The following ANXA11 variants were observed in gnomAD, a reference collection of about 807,000 sequenced individuals.
ANXA11 encodes the protein 56 kDa autoantigen.
A neutral mutation model predicts 64.7 loss-of-function variants in ANXA11; 57 were observed. That is an observed-to-expected ratio of 0.88 (90% CI 0.71 to 1.10). The LOEUF is 1.10. Among genes scored for constraint, ANXA11 ranks in the 50% least tolerant of loss-of-function variants. The pLI, the probability that ANXA11 is intolerant of heterozygous loss-of-function variation, is 0.00. For missense variants in ANXA11, 675 were observed against 670.7 expected (o/e 1.01, Z -0.07); for synonymous variants, 260 against 265.2 (o/e 0.98, Z 0.19).
At chr10:80,168,885 C>A in intron 5 of ANXA11, 84 bp downstream of exon 5, 1 of 1,386,330 alleles carries the variant, frequency 7.2e-7, no homozygotes. Flanking sequence ...TGCGCCTTTC[C>A]CTGTCTCCCC....
At chr10:80,172,759 CT>C (rs1432510653) in intron 3 of ANXA11, 47 bp downstream of exon 3, 2 of 1,580,238 alleles carry the variant, frequency 1.3e-6, no homozygotes, top group African/African-American at 2.7e-5. Flanking sequence ...CTCCCAGCCA[CT>C]GTACAGAGGC....
At chr10:80,168,926 G>C in intron 5 of ANXA11, 43 bp downstream of exon 5, 1 of 1,465,458 alleles carries the variant, frequency 6.8e-7, no homozygotes, top group South Asian at 1.5e-5. Flanking sequence ...CCAGCCTTTG[G>C]GGCCCAGGCC....
chr10:80,177,418 G>T (rs902691088), intron 1 of ANXA11, among the ~76,000 whole-genome samples: 5 of 152,078 alleles, frequency 3.3e-5, no homozygotes, highest in African/African-American at 1.2e-4. Context: ...TTCAGGCCAC[G>T]GAGACCTTAT....
At chr10:80,200,665 C>T (rs146222716) in intron 1 of ANXA11, among the ~76,000 whole-genome samples, 1,632 of 152,296 alleles carry the variant, frequency 0.011, 9 homozygotes, top group Non-Finnish European at 0.018. Flanking sequence ...GTCAGCGTCC[C>T]GCAGAGGACC....
At chr10:80,198,527 G>T (rs1309283694) in intron 1 of ANXA11, among the ~76,000 whole-genome samples, 1 of 152,224 alleles carries the variant, frequency 6.6e-6, no homozygotes, top group Non-Finnish European at 1.5e-5. Flanking sequence ...ACGTGCTCAG[G>T]TCCCATCACA....
At chr10:80,204,666 A>G (rs34074920) in intron 1 of ANXA11, among the ~76,000 whole-genome samples, 12,587 of 152,094 alleles carry the variant, frequency 0.083, 557 homozygotes, top group Non-Finnish European at 0.099. Context: ...CCAACAGACC[A>G]TTTTACCTAA....
At position 80,164,069 on chromosome 10, in the gene ANXA11, G is replaced by A; in HGVS notation, c.933C>T (p.Asn311=). ...SRSNEHIREL[N]RAYKAEFKKT... ...CGGCCTCACCTGCTTTGTAGGCTCT[G>A]TTTAATTCTCGGATGTGCTCATTGC... Residue 311 remains asparagine, a synonymous_variant, in exon 9 of 16, where the codon AAC becomes AAT. Transcript: ENST00000422982. 4.3e-6 allele frequency: 7 copies of A among 1,614,122 alleles called. No individual in the cohort carries two copies. The highest frequency in any genetic ancestry group is 5.9e-6 in the Non-Finnish European group (7 of 1,179,980).
intron 1 of ANXA11, among the ~76,000 whole-genome samples, chr10:80,185,021 A>T (rs569002397): frequency 1.3e-5 from 2 of 152,224 alleles, no homozygotes; most frequent in African/African-American, 2.4e-5. Flanking sequence ...TTAAGTATCA[A>T]ATAGGATGTA....
At chr10:80,186,757 G>A (rs1236102253) in intron 1 of ANXA11, among the ~76,000 whole-genome samples, 1 of 152,212 alleles carries the variant, frequency 6.6e-6, no homozygotes, top group Non-Finnish European at 1.5e-5. Context: ...GGGGGCAAGT[G>A]AGGAGGAACT....
chr10:80,164,133 G>A lies in ANXA11; in HGVS notation c.869C>T (p.Thr290Ile). ...GATCTCAATCAGGCAGGCTTCATCA[G>A]TGCCAACCCCCTGCAGGGGCAGAGA... ...EIKEAIKGVG[T>I]DEACLIEILA... Residue 290 changes from threonine to isoleucine, a missense_variant, in exon 9 of 16, where the codon ACT (threonine) becomes ATT (isoleucine). Thr to Ile is a moderately conservative substitution (Grantham distance 89, BLOSUM62 -1). Coordinates refer to ENST00000422982, the MANE Select transcript of ANXA11 (RefSeq NM_145868.2). The A allele has an allele frequency of 6.2e-7, 1 of 1,613,922 alleles. No homozygotes were observed. The highest frequency in any genetic ancestry group is 8.5e-7 in the Non-Finnish European group (1 of 1,179,812).
chr10:80,159,148 T>C lies in ANXA11; in HGVS notation c.1228A>G (p.Ile410Val), dbSNP rs753071285. ...AGGTCCCCGGACATCTCCCGGCAGATGCTCTTCTCAATGTCCCGGCCTGTC... is the reference window on the plus strand; with the variant it reads ...AGGTCCCCGGACATCTCCCGGCAGACGCTCTTCTCAATGTCCCGGCCTGTC... Reference protein sequence around the residue: ...RMTGRDIEKSICREMSGDLEE... With the variant: ...RMTGRDIEKSVCREMSGDLEE... The change falls in exon 13 of 16, where the codon ATC (isoleucine) becomes GTC (valine). Residue 410 changes from isoleucine (I) to valine (V), a missense_variant. Coordinates refer to ENST00000422982, the MANE Select transcript of ANXA11 (RefSeq NM_145868.2). 1.7e-5 allele frequency: 27 copies of C among 1,614,168 alleles called. No homozygotes were observed. The highest frequency in any genetic ancestry group is 2.0e-5 in the Non-Finnish European group (24 of 1,180,018).
rs775955508 is a variant in ANXA11, at chr10:80,166,125, G to A, written c.817C>T (p.Pro273Ser). The change falls in exon 8 of 16, where the codon CCA becomes TCA. Residue 273 changes from proline (P) to serine (S), a missense_variant. By Grantham distance (74) the Pro-to-Ser change is moderately conservative (BLOSUM62 -1). Transcript: ENST00000422982. ...EKTILALMKT[P>S]VLFDIYEIKE... ...ATCTCATAAATGTCAAAGAGGACTG[G>A]GGTCTTCATCAGAGCCAAGATTGTC... 3 of 1,612,908 alleles carry A rather than the reference G, an allele frequency of 1.9e-6. No homozygotes were observed. Among genetic ancestry groups the A allele is most frequent in the East Asian group, 2.2e-5 (1 of 44,864 alleles).
At chr10:80,189,055 A>C (rs574723234) in intron 1 of ANXA11, among the ~76,000 whole-genome samples, 18 of 152,280 alleles carry the variant, frequency 1.2e-4, no homozygotes, top group Non-Finnish European at 1.8e-4. Context: ...GTACCTGTGA[A>C]TGCGTTACTT....
chr10:80,174,154 A>G (rs1013881836), intron 2 of ANXA11, among the ~76,000 whole-genome samples: 15 of 152,238 alleles, frequency 9.9e-5, no homozygotes, highest in African/African-American at 3.6e-4. Context: ...TCCTGGGCTC[A>G]GGTAATCCTC....
Position 80,163,511 on chromosome 10 carries a change from G to A in ANXA11, c.1029+23C>T, listed in dbSNP as rs150450038. The A allele has an allele frequency of 4.6e-4, 731 of 1,592,848 alleles. 1 individual carries two copies. The African/African-American group carries it at 7.9e-3, about 17-fold the overall frequency. On this transcript the variant is annotated intron_variant, in intron 10 of 15. Coordinates refer to ENST00000422982, the MANE Select transcript of ANXA11 (RefSeq NM_145868.2). ...TTGACTTCCATGGCTTGGGGGCCCC[G>A]AGCCCTGTCGTGGGAAAAGTACCTG...
intron 11 of ANXA11, 63 bp from the exon 12 acceptor site, chr10:80,162,091 C>G (rs1343791074): frequency 7.3e-7 from 1 of 1,378,850 alleles, no homozygotes; most frequent in East Asian, 2.3e-5. Flanking sequence ...CCCAGGTCAC[C>G]CAGGAGAGCC....
At chr10:80,189,100 G>C (rs560452480) in intron 1 of ANXA11, among the ~76,000 whole-genome samples, 1 of 152,316 alleles carries the variant, frequency 6.6e-6, no homozygotes, top group East Asian at 1.9e-4. Flanking sequence ...AGGTGATTAG[G>C]GTTACCCGCC....
At position 80,155,765 on chromosome 10, in the gene ANXA11, TG is replaced by T; in HGVS notation, c.*87del. 7.7e-7 allele frequency: 1 copy of T among 1,290,974 alleles called. No homozygotes were observed. The highest frequency in any genetic ancestry group is 1.1e-6 in the Non-Finnish European group (1 of 888,990). The allele number at this position is 1,290,974 out of a possible 1,614,324, so 80.0% of individuals were successfully genotyped here. On this transcript the variant is annotated 3_prime_UTR_variant, in exon 16 of 16. Coordinates refer to ENST00000422982, the MANE Select transcript of ANXA11 (RefSeq NM_145868.2). The stretch of plus-strand genomic sequence containing the variant: ...GGACGGTGAATCTCGGGGCTATTTG[TG>T]GATTTGTTAGAAACAGACATTCTTT...
At chr10:80,158,079 C>T in intron 13 of ANXA11, 54 bp from the exon 14 acceptor site, 2 of 1,562,444 alleles carry the variant, frequency 1.3e-6, no homozygotes, top group Non-Finnish European at 1.8e-6. Flanking sequence ...TCAGCCCAAG[C>T]AGGGCATGGA....
Sources: allele counts gnomAD v4.1 joint callset (sites outside exome capture counted in the v4.1 genomes callset), GRCh38; gene constraint gnomAD v4.1.1; transcripts MANE v1.5; gene names NCBI Gene and HGNC (gene_info 2026-07-23, HGNC 2026-07-21).